The following BID variants were observed in gnomAD, a reference collection of about 807,000 sequenced individuals.
BID encodes the protein BH3-interacting domain death agonist.
Under a neutral mutation model 17.4 loss-of-function variants are expected in BID, and 19 were observed. That is an observed-to-expected ratio of 1.09 (90% CI 0.76 to 1.60). The LOEUF (loss-of-function observed/expected upper bound fraction) is 1.60. Among genes scored for constraint, BID ranks in the 40% most tolerant of loss-of-function variants. The probability of loss-of-function intolerance (pLI) is 0.00; values close to 1 mark genes in which losing one functional copy is unlikely to be tolerated. For missense variants in BID, 226 were observed against 256.0 expected, an observed-to-expected ratio of 0.88 and a Z score of 0.80; for synonymous variants, 108 against 102.8, an observed-to-expected ratio of 1.05 and a Z score of -0.31.
intron 3 of BID, 89 bp downstream of exon 3, chr22:17,743,714 G>T: frequency 7.4e-7 from 1 of 1,357,878 alleles, no homozygotes; most frequent in South Asian, 1.4e-5. Flanking sequence ...GAGTGATCCC[G>T]GGGGTCCCTT....
At position 17,735,360 on chromosome 22, in the gene BID, A is replaced by G; in HGVS notation, c.*220T>C. 2 of 578,680 alleles carry G rather than the reference A, an allele frequency of 3.5e-6. No individual in the cohort carries two copies. Among genetic ancestry groups the G allele is most frequent in the South Asian group, 4.3e-5 (2 of 46,154 alleles). 35.8% of individuals were successfully genotyped at this position (578,680 alleles called of 1,614,324 possible). A position where few individuals can be genotyped will look rare whatever the true frequency, so the allele number is the denominator to read the frequency against. ...GTGTGGATGATATGAAGGCCATTCA[A>G]ATACGTGTAAATGGACATTTTCATT... On this transcript the variant is annotated 3_prime_UTR_variant, in exon 6 of 6. Coordinates refer to ENST00000622694, the MANE Select transcript of BID (RefSeq NM_001196.4).
intron 3 of BID, 37 bp downstream of exon 3, chr22:17,743,766 C>T (rs1485088805): frequency 1.9e-6 from 3 of 1,574,148 alleles, no homozygotes; most frequent in Middle Eastern, 2.3e-4. Flanking sequence ...GACAGAGAAG[C>T]CCAGCTTTGG....
chr22:17,735,398 T>C lies in BID; in HGVS notation c.*182A>G, dbSNP rs565001172. The stretch of plus-strand genomic sequence containing the variant: ...GGACATTTTCATTCAAGTATATTAA[T>C]GTAGATATTTTAAAGTGGGTTATAA... On this transcript the variant is annotated 3_prime_UTR_variant, in exon 6 of 6. Coordinates refer to ENST00000622694, the MANE Select transcript of BID (RefSeq NM_001196.4). 1.6e-6 allele frequency: 1 copy of C among 642,724 alleles called. No individual in the cohort carries two copies. The highest frequency in any genetic ancestry group is 1.8e-5 in the African/African-American group (1 of 54,672). The allele number at this position is 642,724 out of a possible 1,614,324, so 39.8% of individuals were successfully genotyped here. A position where few individuals can be genotyped will look rare whatever the true frequency, so the allele number is the denominator to read the frequency against.
chr22:17,742,205 G>T (rs1338550018), intron 3 of BID, among the ~76,000 whole-genome samples: 2 of 152,216 alleles, frequency 1.3e-5, no homozygotes, highest in Non-Finnish European at 2.9e-5. Context: ...TAAGTGAACT[G>T]CCATGATCAC....
At chr22:17,747,133 G>A (rs2061500090) in intron 2 of BID, among the ~76,000 whole-genome samples, 1 of 152,158 alleles carries the variant, frequency 6.6e-6, no homozygotes, top group Admixed American at 6.5e-5. Flanking sequence ...GCAAGTGACC[G>A]TGAAGCCAAG....
chr22:17,741,709 C>CTCATGATCCACCTGCCT (rs1473202007), intron 3 of BID, among the ~76,000 whole-genome samples: 1 of 152,100 alleles, frequency 6.6e-6, no homozygotes, highest in East Asian at 1.9e-4. Flanking sequence ...AACTCCTGAC[C>CTCATGATCCACCTGCCT]TCATGATCCA....
At chr22:17,747,236 T>G (rs1489108227) in intron 2 of BID, among the ~76,000 whole-genome samples, 1 of 151,832 alleles carries the variant, frequency 6.6e-6, no homozygotes, top group Middle Eastern at 3.2e-3. Flanking sequence ...AGGACAGGAG[T>G]GGGCTCGGAA....
intron 5 of BID, among the ~76,000 whole-genome samples, chr22:17,737,095 G>A (rs920707399): frequency 7.9e-5 from 12 of 151,948 alleles, no homozygotes; most frequent in African/African-American, 1.5e-4. Context: ...GTGAGCCACC[G>A]CGCCTGGCCC....
intron 1 of BID, among the ~76,000 whole-genome samples, chr22:17,755,907 G>A (rs901852328): frequency 2.0e-5 from 3 of 151,918 alleles, no homozygotes; most frequent in African/African-American, 7.3e-5. Flanking sequence ...TCACTCTGTC[G>A]CCCAGGCAGG....
At chr22:17,763,899 T>C (rs1311840050) in intron 1 of BID, among the ~76,000 whole-genome samples, 3 of 112,580 alleles carry the variant, frequency 2.7e-5, no homozygotes, top group African/African-American at 8.3e-5. Context: ...AGACCACTTA[T>C]AATTTAAAAA....
chr22:17,766,618 C>T (rs981321450), intron 1 of BID, among the ~76,000 whole-genome samples: 6 of 150,548 alleles, frequency 4.0e-5, no homozygotes, highest in Non-Finnish European at 8.9e-5. Flanking sequence ...GAGACAGAGT[C>T]TCACTCTGTT....
intron 2 of BID, 29 bp from the exon 3 acceptor site, chr22:17,744,042 G>T (rs776259151): frequency 2.5e-6 from 4 of 1,592,762 alleles, no homozygotes; most frequent in Non-Finnish European, 3.4e-6. Context: ...CAGGAAGCCG[G>T]GACTTCAGCC....
intron 1 of BID, chr22:17,764,282 T>G (rs145790337): frequency 0.011 from 1,717 of 154,674 alleles, 34 homozygotes; most frequent in African/African-American, 0.039. Context: ...AGAACCAGAA[T>G]GTGACTGCAA....
At position 17,751,474 on chromosome 22, in the gene BID, T is replaced by TGTGTGC. The variant is rs201482241; in HGVS notation, c.-58-1301_-58-1300insGCACAC. Among the ~76,000 whole-genome samples, 965 of 151,970 alleles carry TGTGTGC rather than the reference T, an allele frequency of 6.3e-3. 9 individuals carry two copies. Among genetic ancestry groups the TGTGTGC allele is most frequent in the African/African-American group, 0.022 (920 of 41,454 alleles). On this transcript the variant is annotated intron_variant, in intron 1 of 5. Transcript: ENST00000622694. ...GTATTTGCCTGTGTGTGTGTGTGTG[T>TGTGTGC]GCGTGTGTGTGTGTAGACACAATAT...
rs1284531075 is a variant in BID, at chr22:17,743,904, C to T, written c.122G>A (p.Gly41Asp). ...NSFRRELDAL[G>D]HELPVLAPQW... ...GGGAGCCAGCACTGGCAGCTCGTGG[C>T]CCAGTGCGTCCAGCTCTCTGCGGAA... The change falls in exon 3 of 6, where the codon GGC (glycine) becomes GAC (aspartate). Residue 41 changes from glycine (G) to aspartate (D), a missense_variant. Gly to Asp is a moderately conservative substitution (Grantham distance 94, BLOSUM62 -1). Transcript: ENST00000622694. The T allele has an allele frequency of 1.2e-6, 2 of 1,613,600 alleles. No homozygotes were observed. The highest frequency in any genetic ancestry group is 4.5e-5 in the East Asian group (2 of 44,904).
At position 17,735,372 on chromosome 22, in the gene BID, T is replaced by C; in HGVS notation, c.*208A>G. ...TGAAGGCCATTCAAATACGTGTAAA[T>C]GGACATTTTCATTCAAGTATATTAA... On this transcript the variant is annotated 3_prime_UTR_variant, in exon 6 of 6. Coordinates refer to ENST00000622694, the MANE Select transcript of BID (RefSeq NM_001196.4). The C allele has an allele frequency of 1.7e-6, 1 of 596,270 alleles. No individual in the cohort carries two copies. Among genetic ancestry groups the C allele is most frequent in the Non-Finnish European group, 2.9e-6 (1 of 340,524 alleles). The allele number at this position is 596,270 out of a possible 1,614,324, so 36.9% of individuals were successfully genotyped here.
At chr22:17,767,312 A>G (rs558971876) in intron 1 of BID, among the ~76,000 whole-genome samples, 3 of 152,300 alleles carry the variant, frequency 2.0e-5, no homozygotes, top group Admixed American at 6.5e-5. Context: ...ATTTACTTAC[A>G]TAAGCTAATC....
intron 2 of BID, 51 bp downstream of exon 2, chr22:17,750,054 C>T (rs1340482460): frequency 1.3e-6 from 2 of 1,567,414 alleles, no homozygotes; most frequent in South Asian, 1.1e-5. Context: ...CAGGCCCTTA[C>T]CCCTCGACCC....
intron 2 of BID, among the ~76,000 whole-genome samples, chr22:17,746,756 G>C (rs2061497602): frequency 6.6e-6 from 1 of 152,186 alleles, no homozygotes; most frequent in South Asian, 2.1e-4. Flanking sequence ...ACACAGAGAG[G>C]ACGCCATGTG....
Sources: gnomAD v4.1 joint callset for allele counts (sites outside exome capture counted in the v4.1 genomes callset) on GRCh38, gnomAD v4.1.1 for gene constraint, MANE v1.5 for transcripts, NCBI Gene and HGNC (gene_info 2026-07-23, HGNC 2026-07-21) for gene names.